Variants in COP1 observed in about 807,000 individuals in gnomAD.
COP1 encodes E3 ubiquitin-protein ligase COP1.
A neutral mutation model predicts 101.3 loss-of-function variants in COP1; 24 were observed. The ratio of observed to expected loss-of-function variants is 0.24; its 90% confidence interval spans 0.17 to 0.33. The LOEUF (loss-of-function observed/expected upper bound fraction) is 0.33. Ranked by LOEUF, COP1 falls within the 10% of genes least tolerant of loss-of-function variation. COP1 has a pLI of 1.00. For synonymous variants in COP1, 347 were observed against 341.9 expected, an observed-to-expected ratio of 1.01 and a Z score of -0.17; for missense variants, 663 against 906.2, an observed-to-expected ratio of 0.73 and a Z score of 3.45.
chr1:176,127,928 A>G (rs1335248362), intron 8 of COP1, among the ~76,000 whole-genome samples: 2 of 152,070 alleles, frequency 1.3e-5, no homozygotes, highest in East Asian at 3.9e-4. Flanking sequence ...GATAATGGCC[A>G]ATCTAAGAAA....
chr1:175,945,176 T>C lies in COP1; in HGVS notation c.2179-6A>G. 6.4e-7 allele frequency: 1 copy of C among 1,568,750 alleles called. No individual in the cohort carries two copies. Among genetic ancestry groups the C allele is most frequent in the Non-Finnish European group, 8.7e-7 (1 of 1,148,146 alleles). On this transcript the variant is annotated splice_region_variant and splice_polypyrimidine_tract_variant and intron_variant, in intron 19 of 19. Coordinates refer to ENST00000367669, the MANE Select transcript of COP1 (RefSeq NM_022457.7). Reference sequence around the variant, plus strand: ...CTTCATACCAATTCTAGCACCTAATTGGGGGGAAAAAAGGATCCATTTAAT... The same window carrying C: ...CTTCATACCAATTCTAGCACCTAATCGGGGGGAAAAAAGGATCCATTTAAT...
intron 18 of COP1, among the ~76,000 whole-genome samples, chr1:175,947,851 A>C (rs1211010300): frequency 6.6e-6 from 1 of 151,600 alleles, no homozygotes; most frequent in Non-Finnish European, 1.5e-5. Context: ...AGACTGAAAT[A>C]AAATGAAAAA....
In COP1 at chr1:175,988,321, C is replaced by A. The variant is rs1169168839; in HGVS notation, c.1939G>T (p.Gly647Cys). ...ATATAATCTCCATTGGAAGCCAGGC[C>A]TACAAAGTTTTTTTCATTGATATGA... ...KGHINEKNFV[G>C]LASNGDYIAC... is the part of the protein sequence containing the mutation. The change falls in exon 17 of 20, where the codon GGC becomes TGC. Residue 647 changes from glycine (G) to cysteine (C), a missense_variant. This residue lies in a region of COP1 where 209 missense variants were observed against 383.3 expected (regional missense o/e 0.55). Coordinates refer to ENST00000367669, the MANE Select transcript of COP1 (RefSeq NM_022457.7). The A allele has an allele frequency of 6.2e-7, 1 of 1,612,156 alleles. No individual in the cohort carries two copies. Among genetic ancestry groups the A allele is most frequent in the Non-Finnish European group, 8.5e-7 (1 of 1,178,770 alleles).
rs551930441 is a variant in COP1 at position 176,199,271 on chromosome 1, C to G, written c.407+7301G>C. The stretch of plus-strand genomic sequence containing the variant: ...GGCAGAGGTTGCACCAAGCTGAGAT[C>G]GTGCCACTGCACTCCAGCTGGGGCG... On this transcript the variant is annotated intron_variant, in intron 1 of 19. Coordinates refer to ENST00000367669, the MANE Select transcript of COP1 (RefSeq NM_022457.7). Among the ~76,000 whole-genome samples, 296 of 152,154 alleles carry G rather than the reference C, an allele frequency of 1.9e-3. 1 individual carries two copies. The highest frequency in any genetic ancestry group is 6.8e-3 in the African/African-American group (283 of 41,500).
At chr1:176,050,849 A>G (rs1399486929) in intron 11 of COP1, among the ~76,000 whole-genome samples, 2 of 152,240 alleles carry the variant, frequency 1.3e-5, no homozygotes, top group African/African-American at 4.8e-5. Context: ...GATACACCAG[A>G]TAATTCAAAT....
chr1:175,999,579 C>T (rs1661103344), intron 15 of COP1, among the ~76,000 whole-genome samples: 1 of 152,056 alleles, frequency 6.6e-6, no homozygotes, highest in African/African-American at 2.4e-5. Flanking sequence ...CATGGGAATG[C>T]AGATAGCTCT....
chr1:176,109,312 C>CT (rs1370480269), intron 9 of COP1, among the ~76,000 whole-genome samples: 5 of 152,102 alleles, frequency 3.3e-5, no homozygotes, highest in Admixed American at 2.6e-4. Context: ...GAACTGAACT[C>CT]TTTCAGTAAG....
intron 3 of COP1, among the ~76,000 whole-genome samples, chr1:176,165,295 AG>A (rs1218041619): frequency 5.3e-5 from 8 of 152,088 alleles, no homozygotes; most frequent in Admixed American, 5.2e-4. Context: ...ATAGGCACAC[AG>A]GGGCTCACTA....
chr1:176,153,153 T>C (rs1043213894), intron 5 of COP1, among the ~76,000 whole-genome samples: 3 of 152,128 alleles, frequency 2.0e-5, no homozygotes, highest in African/African-American at 7.2e-5. Context: ...TCTAGCCTCT[T>C]TCATCAAATT....
At chr1:176,164,718 A>G (rs1167255167) in intron 3 of COP1, among the ~76,000 whole-genome samples, 1 of 152,218 alleles carries the variant, frequency 6.6e-6, no homozygotes, top group African/African-American at 2.4e-5. Flanking sequence ...TGAACCACTG[A>G]TAACTAGTTC....
intron 14 of COP1, among the ~76,000 whole-genome samples, chr1:176,042,059 C>T (rs974370083): frequency 2.0e-5 from 3 of 151,872 alleles, no homozygotes; most frequent in East Asian, 1.9e-4. Context: ...TTGCAGTGAG[C>T]GGAGATTGCC....
intron 11 of COP1, among the ~76,000 whole-genome samples, chr1:176,048,654 T>G (rs557561964): frequency 6.6e-6 from 1 of 152,202 alleles, no homozygotes; most frequent in East Asian, 1.9e-4. Flanking sequence ...TTAGGAGGTT[T>G]TGGTATAGCT....
Position 176,207,029 on chromosome 1 carries a change from T to TCGAC in COP1, c.-55_-52dup. On this transcript the variant is annotated 5_prime_UTR_variant, in exon 1 of 20. Coordinates refer to ENST00000367669, the MANE Select transcript of COP1 (RefSeq NM_022457.7). ...CGCTCGGAGGAGAGGGACCGCGACC[T>TCGAC]CGACCCTCCGCCGCCTCCCCTCCCC... 1 of 1,324,834 alleles carries TCGAC rather than the reference T, an allele frequency of 7.5e-7. No individual in the cohort carries two copies. The highest frequency in any genetic ancestry group is 9.7e-7 in the Non-Finnish European group (1 of 1,035,372). The allele number at this position is 1,324,834 out of a possible 1,614,324, so 82.1% of individuals were successfully genotyped here. A position where few individuals can be genotyped will look rare whatever the true frequency, so the allele number is the denominator to read the frequency against.
At chr1:176,162,014 A>T (rs1227786600) in intron 5 of COP1, among the ~76,000 whole-genome samples, 1 of 152,212 alleles carries the variant, frequency 6.6e-6, no homozygotes, top group Non-Finnish European at 1.5e-5. Context: ...TGCAAATGAC[A>T]TTATTATCCA....
At chr1:175,987,813 CTTAT>C (rs1285602673) in intron 17 of COP1, among the ~76,000 whole-genome samples, 1 of 152,086 alleles carries the variant, frequency 6.6e-6, no homozygotes, top group Non-Finnish European at 1.5e-5. Context: ...TTTTCTATTT[CTTAT>C]TTAAATTTGT....
Position 176,081,297 on chromosome 1 carries a change from A to C in COP1, c.1142-10T>G, listed in dbSNP as rs777949105. 36 of 1,299,726 alleles carry C rather than the reference A, an allele frequency of 2.8e-5. No homozygotes were observed. In the African/African-American group the frequency reaches 4.6e-4, roughly 16 times the overall value. The allele number at this position is 1,299,726 out of a possible 1,614,324, so 80.5% of individuals were successfully genotyped here. On this transcript the variant is annotated splice_polypyrimidine_tract_variant and intron_variant, in intron 10 of 19. Coordinates refer to ENST00000367669, the MANE Select transcript of COP1 (RefSeq NM_022457.7). ...GCAGTTCGACTGTCATCTATATGAA[A>C]AAAAAAAAAAAAAGACAAAACAGAT...
intron 9 of COP1, among the ~76,000 whole-genome samples, chr1:176,111,674 G>T (rs938776299): frequency 1.5e-4 from 23 of 151,972 alleles, no homozygotes; most frequent in African/African-American, 5.3e-4. Flanking sequence ...CTTTTGGAAA[G>T]TATACATTTT....
chr1:176,154,021 AT>A (rs745319215), intron 5 of COP1, among the ~76,000 whole-genome samples: 14 of 152,068 alleles, frequency 9.2e-5, no homozygotes, highest in Non-Finnish European at 1.8e-4. Flanking sequence ...TTTTGCATGG[AT>A]GTGAATCAGT....
At chr1:175,994,803 T>C (rs1659677496) in intron 15 of COP1, among the ~76,000 whole-genome samples, 1 of 152,128 alleles carries the variant, frequency 6.6e-6, no homozygotes, top group Non-Finnish European at 1.5e-5. Flanking sequence ...ATGGGAGACT[T>C]TAACACGCCA....
Sources: allele counts gnomAD v4.1 joint callset (sites outside exome capture counted in the v4.1 genomes callset), GRCh38; gene constraint gnomAD v4.1.1; regional missense constraint gnomAD v4.1.1; transcripts MANE v1.5; gene names NCBI Gene and HGNC (gene_info 2026-07-23, HGNC 2026-07-21).